The following APBA2 variants were observed in gnomAD, a reference collection of about 807,000 sequenced individuals.
APBA2 encodes amyloid-beta A4 precursor protein-binding family A member 2.
In APBA2, 30 loss-of-function variants were observed where a neutral mutation model predicts 75.0. The observed-to-expected ratio is 0.40, with a 90% CI of 0.30 to 0.54. The LOEUF (loss-of-function observed/expected upper bound fraction) is 0.54, where lower values mean the gene tolerates loss of function less well. APBA2 is among the 20% of genes least tolerant of loss of function. The probability of loss-of-function intolerance (pLI) is 0.49; values close to 1 mark genes in which losing one functional copy is unlikely to be tolerated. For synonymous variants in APBA2, 444 were observed against 409.6 expected (o/e 1.08, Z -1.01); for missense variants, 801 against 1,016.1 (o/e 0.79, Z 2.88).
In APBA2 at chr15:29,105,568, AC is replaced by A; in HGVS notation, c.1704+13del. On this transcript the variant is annotated intron_variant, in intron 11 of 14. Transcript: ENST00000683413. The stretch of plus-strand genomic sequence containing the variant: ...GGAGAACTGCAAGGAGGTAAGCCAC[AC>A]CCACCAGCCTCAGGGAGGCCACATT... 6.2e-7 allele frequency: 1 copy of A among 1,612,462 alleles called. No homozygotes were observed. The highest frequency in any genetic ancestry group is 2.2e-5 in the East Asian group (1 of 44,860).
chr15:28,896,470 A>G (rs1434176256), intron 1 of APBA2, among the ~76,000 whole-genome samples: 1 of 152,172 alleles, frequency 6.6e-6, no homozygotes, highest in Admixed American at 6.5e-5. Flanking sequence ...TAGTAGAGAC[A>G]GGGTTTCACC....
intron 4 of APBA2, among the ~76,000 whole-genome samples, chr15:29,069,416 C>A (rs1436944264): frequency 6.6e-6 from 1 of 152,182 alleles, no homozygotes; most frequent in African/African-American, 2.4e-5. Context: ...TCAGTGTTTA[C>A]CGTTTTTAGG....
Position 29,073,593 on chromosome 15 carries a change from C to G in APBA2, c.952-1328C>G, listed in dbSNP as rs1454096462. On this transcript the variant is annotated intron_variant, in intron 4 of 14. Coordinates refer to ENST00000683413, the MANE Select transcript of APBA2 (RefSeq NM_001353788.2). ...TCTCAAACTCCTGACCTCAACTGAT[C>G]TGTCTGCCTTGGCCTCCCAAAGTAC... 2.6e-5 allele frequency among the ~76,000 whole-genome samples: 4 copies of G among 152,238 alleles called. No homozygotes were observed. In the East Asian group the frequency reaches 7.7e-4, roughly 29 times the overall value.
At chr15:29,063,220 G>A (rs2042218627) in intron 4 of APBA2, among the ~76,000 whole-genome samples, 1 of 121,530 alleles carries the variant, frequency 8.2e-6, no homozygotes, top group Non-Finnish European at 1.8e-5. Context: ...AGTTGATCTG[G>A]GTCAGTGTCT....
intron 14 of APBA2, among the ~76,000 whole-genome samples, chr15:29,114,706 G>GCA (rs1225047648): frequency 1.6e-4 from 7 of 43,372 alleles, no homozygotes; most frequent in South Asian, 6.9e-4. Context: ...GAGTGTGTGC[G>GCA]TGCACGTGGG....
At chr15:29,116,381 C>CT (rs2045139766) in intron 14 of APBA2, among the ~76,000 whole-genome samples, 1 of 152,058 alleles carries the variant, frequency 6.6e-6, no homozygotes, top group South Asian at 2.1e-4. Flanking sequence ...AATCCCAGCA[C>CT]TTTGGGAGGC....
intron 3 of APBA2, among the ~76,000 whole-genome samples, chr15:29,021,510 A>G (rs569545394): frequency 6.6e-6 from 1 of 152,336 alleles, no homozygotes; most frequent in South Asian, 2.1e-4. Context: ...AAAGCTGTAC[A>G]TATTTAATGT....
chr15:28,990,951 G>C (rs888910569), intron 2 of APBA2, among the ~76,000 whole-genome samples: 1 of 152,142 alleles, frequency 6.6e-6, no homozygotes, highest in African/African-American at 2.4e-5. Flanking sequence ...TTTTAATCCA[G>C]TTTGTTCTCA....
intron 2 of APBA2, among the ~76,000 whole-genome samples, chr15:28,952,011 C>G (rs1224306249): frequency 1.3e-5 from 2 of 151,684 alleles, no homozygotes; most frequent in South Asian, 2.1e-4. Context: ...GCCTCAGCCT[C>G]CTGAGTAGCT....
At chr15:28,956,723 C>T (rs2036189182) in intron 2 of APBA2, among the ~76,000 whole-genome samples, 1 of 152,170 alleles carries the variant, frequency 6.6e-6, no homozygotes, top group South Asian at 2.1e-4. Context: ...AAACACTTAA[C>T]TCCCATTCCT....
chr15:28,975,238 T>A (rs2037273627), intron 2 of APBA2, among the ~76,000 whole-genome samples: 1 of 127,842 alleles, frequency 7.8e-6, no homozygotes, highest in South Asian at 2.4e-4. Flanking sequence ...AAAATTCAAA[T>A]CTATATTTTC....
At chr15:28,969,195 T>TC in intron 2 of APBA2, among the ~76,000 whole-genome samples, 1 of 150,526 alleles carries the variant, frequency 6.6e-6, no homozygotes, top group South Asian at 2.1e-4. Context: ...TTTTATTTTT[T>TC]ATTTTTGAGA....
In APBA2 at chr15:28,888,784, C is replaced by T. The variant is rs529349676; in HGVS notation, c.-205+2506C>T. Among the ~76,000 whole-genome samples the T allele has an allele frequency of 3.2e-3, 482 of 152,234 alleles. 6 individuals carry two copies. Among genetic ancestry groups the T allele is most frequent in the African/African-American group, 0.011 (462 of 41,524 alleles). On this transcript the variant is annotated intron_variant, in intron 1 of 14. Transcript: ENST00000683413. ...TCCTGGCTGTATCACTCACAGGCTGCGTGCCCTCCCCATGCAGTCTCAGTT... is the reference window on the plus strand; with the variant it reads ...TCCTGGCTGTATCACTCACAGGCTGTGTGCCCTCCCCATGCAGTCTCAGTT...
chr15:28,939,589 G>A (rs1211482465), intron 2 of APBA2, among the ~76,000 whole-genome samples: 1 of 152,078 alleles, frequency 6.6e-6, no homozygotes, highest in Non-Finnish European at 1.5e-5. Context: ...CCCAACAAGC[G>A]TGATAGCAGG....
intron 1 of APBA2, among the ~76,000 whole-genome samples, chr15:28,914,600 G>T (rs1595446035): frequency 1.3e-5 from 2 of 151,980 alleles, no homozygotes; most frequent in Non-Finnish European, 2.9e-5. Flanking sequence ...CTGCTGCCCC[G>T]CTCAGCTGCA....
chr15:29,040,840 A>C (rs2041001302), intron 3 of APBA2, among the ~76,000 whole-genome samples: 1 of 152,342 alleles, frequency 6.6e-6, no homozygotes, highest in South Asian at 2.1e-4. Flanking sequence ...TCAGTCAATC[A>C]ATTAAAAATA....
At chr15:28,963,817 A>T (rs183916886) in intron 2 of APBA2, among the ~76,000 whole-genome samples, 141 of 152,364 alleles carry the variant, frequency 9.3e-4, no homozygotes, top group Admixed American at 1.9e-3. Flanking sequence ...TAACGATAGT[A>T]CAATAGTCAA....
intron 2 of APBA2, among the ~76,000 whole-genome samples, chr15:28,924,520 G>A (rs2034152063): frequency 6.6e-6 from 1 of 152,166 alleles, no homozygotes; most frequent in South Asian, 2.1e-4. Flanking sequence ...TATAATTTGT[G>A]ACCTTTTCTT....
intron 1 of APBA2, among the ~76,000 whole-genome samples, chr15:28,909,635 TG>T (rs2033335813): frequency 6.6e-6 from 1 of 152,192 alleles, no homozygotes; most frequent in East Asian, 1.9e-4. Flanking sequence ...TGCATCGAGC[TG>T]GATGCTGGGC....
Sources: gnomAD v4.1 joint callset for allele counts (sites outside exome capture counted in the v4.1 genomes callset) on GRCh38, gnomAD v4.1.1 for gene constraint, MANE v1.5 for transcripts, NCBI Gene and HGNC (gene_info 2026-07-23, HGNC 2026-07-21) for gene names.